The following NTNG2 variants were observed in gnomAD, a reference collection of about 807,000 sequenced individuals.
NTNG2 encodes the protein netrin G2.
NTNG2 carries 15 observed loss-of-function variants against 47.6 expected under a neutral mutation model. The ratio of observed to expected loss-of-function variants is 0.32; its 90% CI spans 0.21 to 0.49. The LOEUF (loss-of-function observed/expected upper bound fraction) is 0.49. NTNG2 is among the 20% of genes least tolerant of loss of function. The pLI is 0.99. For missense variants in NTNG2, 578 were observed against 764.6 expected, an observed-to-expected ratio of 0.76 and a Z score of 2.88; for synonymous variants, 307 against 324.6, an observed-to-expected ratio of 0.95 and a Z score of 0.58.
intron 4 of NTNG2, 75 bp downstream of exon 4, chr9:132,227,096 A>T: frequency 6.9e-7 from 1 of 1,457,824 alleles, no homozygotes; most frequent in African/African-American, 1.4e-5. Flanking sequence ...GGAGCTGTGG[A>T]TCATACACAC....
At chr9:132,171,692 C>A (rs1481503594) in intron 2 of NTNG2, among the ~76,000 whole-genome samples, 1 of 152,246 alleles carries the variant, frequency 6.6e-6, no homozygotes, top group African/African-American at 2.4e-5. Flanking sequence ...AGACAGCAGG[C>A]AGGTCCTGGA....
At chr9:132,171,572 A>C (rs1271375512) in intron 2 of NTNG2, among the ~76,000 whole-genome samples, 2 of 152,224 alleles carry the variant, frequency 1.3e-5, no homozygotes, top group African/African-American at 4.8e-5. Context: ...CTTTGAACAC[A>C]CATCTTACTC....
intron 2 of NTNG2, among the ~76,000 whole-genome samples, chr9:132,196,563 C>G (rs1388627476): frequency 6.6e-6 from 1 of 152,232 alleles, no homozygotes; most frequent in Non-Finnish European, 1.5e-5. Flanking sequence ...CATAGCCTCA[C>G]TGTCCTAAAA....
In NTNG2 at chr9:132,241,881, G is replaced by A. The variant is rs1193325733; in HGVS notation, c.1363G>A (p.Val455Met). Residue 455 changes from valine (V) to methionine (M), a missense_variant, in exon 8 of 8, where the codon GTG becomes ATG. Transcript: ENST00000393229. ...ACCGCCCCCTCCGCCTGCAGCCAAC[G>A]TGTGCGACGACGACCAGCTGCTGTG... ...HYWRQGCYPN[V>M]CDDDQLLCQN... 6.4e-7 allele frequency: 1 copy of A among 1,572,334 alleles called. No individual in the cohort carries two copies.
intron 2 of NTNG2, among the ~76,000 whole-genome samples, chr9:132,185,286 A>C (rs1405408906): frequency 6.6e-6 from 1 of 152,146 alleles, no homozygotes; most frequent in African/African-American, 2.4e-5. Context: ...TCAGCAAGAA[A>C]GCCCAGGGCA....
chr9:132,185,021 G>A (rs1434364505), intron 2 of NTNG2, among the ~76,000 whole-genome samples: 2 of 152,154 alleles, frequency 1.3e-5, no homozygotes, highest in African/African-American at 4.8e-5. Context: ...CTGGGGCTCT[G>A]AGGAGGAGCT....
rs1299421864 is a variant in NTNG2 at position 132,163,422 on chromosome 9, GGGCCGCCGGAATTAAGA to G, written c.-484+1188_-484+1204del. ...CCCGCTCCGGAGCGGGGGGACACCCGGGCCGCCGGAATTAAGAGGCCCGCCGAGGCTACAGTGAGCGC... is the reference window on the plus strand; with the variant it reads ...CCCGCTCCGGAGCGGGGGGACACCCGGGCCCGCCGAGGCTACAGTGAGCGC... On this transcript the variant is annotated intron_variant, in intron 1 of 7. Coordinates refer to ENST00000393229, the MANE Select transcript of NTNG2 (RefSeq NM_032536.4). This position sits in a 1 kb window ranked among gnomAD's most constrained non-coding sequence, Gnocchi z 7.2. 1.3e-5 allele frequency among the ~76,000 whole-genome samples: 2 copies of G among 151,762 alleles called. No homozygotes were observed. The highest frequency in any genetic ancestry group is 2.9e-5 in the Non-Finnish European group (2 of 67,844).
intron 2 of NTNG2, among the ~76,000 whole-genome samples, chr9:132,176,075 G>T (rs1203294392): frequency 6.6e-6 from 1 of 152,116 alleles, no homozygotes; most frequent in Non-Finnish European, 1.5e-5. Flanking sequence ...TTTGGTGGGT[G>T]CAGTGGCTCA....
Position 132,221,142 on chromosome 9 carries a change from G to T in NTNG2, c.858-5707G>T, listed in dbSNP as rs556824326. Among the ~76,000 whole-genome samples the T allele has an allele frequency of 3.3e-5, 5 of 152,278 alleles. No individual in the cohort carries two copies. Among genetic ancestry groups the T allele is most frequent in the African/African-American group, 9.6e-5 (4 of 41,546 alleles). On this transcript the variant is annotated intron_variant, in intron 3 of 7. Coordinates refer to ENST00000393229, the MANE Select transcript of NTNG2 (RefSeq NM_032536.4). This position sits in a 1 kb window ranked among gnomAD's most constrained non-coding sequence, Gnocchi z 4.2. ...TAGCAGGGGCTGATTTGAGGTAGGG[G>T]TTGTGAAAGGCCTCCCCAAAGAAGT...
intron 5 of NTNG2, among the ~76,000 whole-genome samples, chr9:132,237,307 G>A (rs1051060372): frequency 2.6e-5 from 4 of 152,160 alleles, no homozygotes; most frequent in East Asian, 1.9e-4. Flanking sequence ...CTGAGCAGGC[G>A]ACAAGGCTGC....
intron 2 of NTNG2, among the ~76,000 whole-genome samples, chr9:132,167,349 A>G (rs1835570450): frequency 6.6e-6 from 1 of 152,230 alleles, no homozygotes; most frequent in Admixed American, 6.5e-5. Flanking sequence ...CGCAGCCTTC[A>G]GGCTAAGCCC....
At chr9:132,212,346 G>A (rs2130835158) in intron 3 of NTNG2, among the ~76,000 whole-genome samples, 1 of 152,316 alleles carries the variant, frequency 6.6e-6, no homozygotes, top group African/African-American at 2.4e-5. Flanking sequence ...GTCAGCCTCT[G>A]TGTTGTGTGC....
At chr9:132,178,136 AC>A in intron 2 of NTNG2, among the ~76,000 whole-genome samples, 1 of 152,218 alleles carries the variant, frequency 6.6e-6, no homozygotes. Context: ...TCATTTGATG[AC>A]TAGGCCACAG....
At chr9:132,199,146 G>T (rs190674329) in intron 3 of NTNG2, among the ~76,000 whole-genome samples, 154 of 152,264 alleles carry the variant, frequency 1.0e-3, no homozygotes, top group Non-Finnish European at 1.7e-3. Context: ...GGAAGGAAGT[G>T]CATGTGTTGG....
In NTNG2 at chr9:132,241,014, C is replaced by T; in HGVS notation, c.1327C>T (p.Pro443Ser). ...AAGPKCDDCL[P>S]THYWRQGCYP... ...GGGCCCCAAGTGCGACGACTGCCTC[C>T]CCACGCACTACTGGCGCCAGGGCTG... is the stretch of plus-strand genomic sequence containing the variant. The change falls in exon 7 of 8, where the codon CCC becomes TCC. Residue 443 changes from proline to serine, a missense_variant. Transcript: ENST00000393229. The T allele has an allele frequency of 2.5e-6, 4 of 1,607,970 alleles. No individual in the cohort carries two copies. Among genetic ancestry groups the T allele is most frequent in the Non-Finnish European group, 2.5e-6 (3 of 1,179,082 alleles).
intron 2 of NTNG2, among the ~76,000 whole-genome samples, chr9:132,194,109 T>C (rs11794640): frequency 0.34 from 51,082 of 151,932 alleles, 8,706 homozygotes; most frequent in African/African-American, 0.39. Context: ...GGCTTCAACA[T>C]AGAAATCTGG....
rs1347084825 is a variant in NTNG2, at chr9:132,236,794, T to TG, written c.1055-2306dup. ...GCCTGCTCACCCACAGATAGGGCGT[T>TG]GGGGTCCCAGCGGGATTCTGGGCAG... On this transcript the variant is annotated intron_variant, in intron 5 of 7. Transcript: ENST00000393229. This position sits in a 1 kb window ranked among gnomAD's most constrained non-coding sequence, Gnocchi z 4.3. 1.3e-5 allele frequency among the ~76,000 whole-genome samples: 2 copies of TG among 152,168 alleles called. No homozygotes were observed. The highest frequency in any genetic ancestry group is 2.9e-5 in the Non-Finnish European group (2 of 68,020).
chr9:132,226,170 G>A lies in NTNG2; in HGVS notation c.858-679G>A, dbSNP rs774648360. Among the ~76,000 whole-genome samples, 4 of 152,142 alleles carry A rather than the reference G, an allele frequency of 2.6e-5. No homozygotes were observed. Among genetic ancestry groups the A allele is most frequent in the Admixed American group, 6.5e-5 (1 of 15,278 alleles). Reference sequence around the variant, plus strand: ...AAGAAGCTTCCCCTCATCAACTTTCGGTTACCCCGAGGTACAGTTTATATA... The same window carrying A: ...AAGAAGCTTCCCCTCATCAACTTTCAGTTACCCCGAGGTACAGTTTATATA... On this transcript the variant is annotated intron_variant, in intron 3 of 7. Coordinates refer to ENST00000393229, the MANE Select transcript of NTNG2 (RefSeq NM_032536.4). This position sits in a 1 kb window ranked among gnomAD's most constrained non-coding sequence, Gnocchi z 4.8.
chr9:132,195,574 G>A (rs534455260), intron 2 of NTNG2, among the ~76,000 whole-genome samples: 20 of 139,784 alleles, frequency 1.4e-4, no homozygotes, highest in African/African-American at 4.6e-4. Flanking sequence ...TGATCCACCC[G>A]CCTCGGCCTC....
Sources: gnomAD v4.1 joint callset for allele counts (sites outside exome capture counted in the v4.1 genomes callset) on GRCh38, gnomAD v4.1.1 for gene constraint, Gnocchi (gnomAD v3.1) non-coding constraint, MANE v1.5 for transcripts, NCBI Gene and HGNC (gene_info 2026-07-23, HGNC 2026-07-21) for gene names.